RBFOX1: variants seen among roughly 807,000 people sequenced by gnomAD.
The protein encoded by RBFOX1 is RNA binding fox-1 homolog 1.
In RBFOX1, 8 loss-of-function variants were observed where a neutral mutation model predicts 57.7. That is an observed-to-expected ratio of 0.14 (90% CI 0.08 to 0.25). The LOEUF (loss-of-function observed/expected upper bound fraction) is 0.25. RBFOX1 is among the 10% of genes least tolerant of loss of function. The pLI is 1.00. For missense variants in RBFOX1, 611 were observed against 548.5 expected, an observed-to-expected ratio of 1.11 and a Z score of -1.14; for synonymous variants, 326 against 222.4, an observed-to-expected ratio of 1.47 and a Z score of -4.15.
chr16:7,654,205 G>A (rs1382516341), intron 12 of RBFOX1, among the ~76,000 whole-genome samples: 4 of 152,334 alleles, frequency 2.6e-5, no homozygotes, highest in Non-Finnish European at 5.9e-5. Context: ...TTCTCTTTGA[G>A]ACTGAATGCT....
intron 3 of RBFOX1, among the ~76,000 whole-genome samples, chr16:7,028,337 G>A (rs2041597597): frequency 6.6e-6 from 1 of 152,002 alleles, no homozygotes; most frequent in South Asian, 2.1e-4. Context: ...TGCTCTGCCT[G>A]GGCTCAGGGC....
intron 3 of RBFOX1, among the ~76,000 whole-genome samples, chr16:6,730,542 T>C (rs2068303634): frequency 6.6e-6 from 1 of 152,226 alleles, no homozygotes; most frequent in African/African-American, 2.4e-5. Context: ...TATCAATCTA[T>C]GTATCTATGC....
intron 4 of RBFOX1, among the ~76,000 whole-genome samples, chr16:5,994,882 G>A (rs528020088): frequency 6.6e-6 from 1 of 152,292 alleles, no homozygotes; most frequent in East Asian, 1.9e-4. Flanking sequence ...ATTGAGTGAT[G>A]AGTTTCCACT....
chr16:6,059,166 G>A (rs979502848), intron 1 of RBFOX1: 1 of 152,184 alleles, frequency 6.6e-6, no homozygotes, highest in African/African-American at 2.4e-5. Context: ...TAATTCATCT[G>A]GACTTGGAGT....
intron 3 of RBFOX1, among the ~76,000 whole-genome samples, chr16:7,039,875 G>C (rs1456407093): frequency 6.6e-6 from 1 of 151,964 alleles, no homozygotes; most frequent in African/African-American, 2.4e-5. Context: ...TTTTCTGTTT[G>C]TACTTTTACT....
chr16:5,885,636 C>G (rs1007764342), intron 4 of RBFOX1, among the ~76,000 whole-genome samples: 1 of 152,142 alleles, frequency 6.6e-6, no homozygotes, highest in African/African-American at 2.4e-5. Context: ...ATTCTATGTT[C>G]TCTTTCAGAA....
intron 5 of RBFOX1, among the ~76,000 whole-genome samples, chr16:7,540,988 C>T (rs1289325378): frequency 1.3e-5 from 2 of 152,168 alleles, no homozygotes; most frequent in Admixed American, 6.5e-5. Context: ...GTTTAGCTCT[C>T]TCAGAGGTTC....
intron 1 of RBFOX1, among the ~76,000 whole-genome samples, chr16:6,133,870 A>C (rs2096647272): frequency 6.6e-6 from 1 of 152,118 alleles, no homozygotes. Context: ...GTCTACTTCT[A>C]AATTACTGTT....
intron 6 of RBFOX1, among the ~76,000 whole-genome samples, chr16:7,586,218 C>G (rs1279500946): frequency 1.3e-5 from 2 of 152,206 alleles, no homozygotes; most frequent in East Asian, 3.9e-4. Flanking sequence ...ACATTACCCT[C>G]TCTCTCAGTT....
At chr16:5,346,532 T>C (rs563167362) in intron 1 of RBFOX1, among the ~76,000 whole-genome samples, 1 of 152,266 alleles carries the variant, frequency 6.6e-6, no homozygotes, top group South Asian at 2.1e-4. Flanking sequence ...GGCTGGGTAA[T>C]AGGACCTTTA....
chr16:6,685,083 C>T (rs1349856417), intron 3 of RBFOX1, among the ~76,000 whole-genome samples: 2 of 152,250 alleles, frequency 1.3e-5, no homozygotes, highest in South Asian at 2.1e-4. Flanking sequence ...AACCTCCATC[C>T]CTCATCATTT....
In RBFOX1 at chr16:6,905,046, A is replaced by G. The variant is rs79403149; in HGVS notation, c.-15-147011A>G. 7.9e-5 allele frequency among the ~76,000 whole-genome samples: 12 copies of G among 152,280 alleles called. 1 individual carries two copies. Among genetic ancestry groups the G allele is most frequent in the Middle Eastern group, 3.4e-3 (1 of 294 alleles). ...TTAGAGGAATTTTTCAAGTTGTACA[A>G]AATTGAATTACTTAATAAACTTCGT... On this transcript the variant is annotated intron_variant, in intron 3 of 15. Transcript: ENST00000550418.
At chr16:6,527,089 C>T (rs1393675015) in intron 2 of RBFOX1, among the ~76,000 whole-genome samples, 2 of 151,996 alleles carry the variant, frequency 1.3e-5, no homozygotes, top group Admixed American at 1.3e-4. Context: ...TCTTTGTACC[C>T]ATTGCCTTTC....
intron 2 of RBFOX1, among the ~76,000 whole-genome samples, chr16:6,625,157 T>TAAAAAA (rs34634402): frequency 1.8e-5 from 1 of 56,326 alleles, no homozygotes; most frequent in Admixed American, 2.8e-4. Context: ...CAACCCTATC[T>TAAAAAA]AAAAAAAAAA....
chr16:5,809,547 T>C (rs977777252), intron 3 of RBFOX1, among the ~76,000 whole-genome samples: 1 of 152,136 alleles, frequency 6.6e-6, no homozygotes, highest in Non-Finnish European at 1.5e-5. Context: ...AGAAGACATT[T>C]ATGCAGCCAA....
At chr16:5,841,151 T>A (rs2056612179) in intron 3 of RBFOX1, among the ~76,000 whole-genome samples, 1 of 152,138 alleles carries the variant, frequency 6.6e-6, no homozygotes, top group African/African-American at 2.4e-5. Context: ...TTACATAGAT[T>A]ATTGCATGGA....
chr16:6,487,691 AAAAAAAAAAATATATATATATATATATAT>A lies in RBFOX1; in HGVS notation c.-63-166910_-63-166882del, dbSNP rs2095525491. 2.8e-3 allele frequency among the ~76,000 whole-genome samples: 26 copies of A among 9,316 alleles called. 1 individual carries two copies. In the Admixed American group the frequency reaches 0.042, roughly 15 times the overall value. The allele number at this position is 9,316 out of a possible 152,430, so 6.1% of individuals were successfully genotyped here. A position where few individuals can be genotyped will look rare whatever the true frequency, so the allele number is the denominator to read the frequency against. On this transcript the variant is annotated intron_variant, in intron 2 of 15. Coordinates refer to ENST00000550418, the MANE Select transcript of RBFOX1 (RefSeq NM_018723.4). The stretch of plus-strand genomic sequence containing the variant: ...ATATATGTAAAAAAAAAAAAAAAAA[AAAAAAAAAAATATATATATATATATATAT>A]ATATATATATATATATATATATATA...
At chr16:6,386,178 G>A (rs747448670) in intron 2 of RBFOX1, among the ~76,000 whole-genome samples, 2 of 152,012 alleles carry the variant, frequency 1.3e-5, no homozygotes, top group African/African-American at 2.4e-5. Flanking sequence ...CTCGTGATCC[G>A]CCCGTCTCGG....
intron 8 of RBFOX1, among the ~76,000 whole-genome samples, chr16:7,596,021 G>A (rs537350644): frequency 4.6e-5 from 7 of 150,908 alleles, no homozygotes; most frequent in Admixed American, 4.0e-4. Context: ...TCCACTTCAG[G>A]GTTGAAGAGG....
Sources: gnomAD v4.1 joint callset for allele counts (sites outside exome capture counted in the v4.1 genomes callset) on GRCh38, gnomAD v4.1.1 for gene constraint, MANE v1.5 for transcripts, NCBI Gene and HGNC (gene_info 2026-07-23, HGNC 2026-07-21) for gene names.